RASGRF2: variants seen among roughly 807,000 people sequenced by gnomAD.
RASGRF2 encodes Ras protein specific guanine nucleotide releasing factor 2, also known as ras-specific guanine nucleotide-releasing factor 2.
RASGRF2 carries 76 observed loss-of-function variants against 151.0 expected under a neutral mutation model. The observed-to-expected ratio is 0.50, with a 90% CI of 0.42 to 0.61. RASGRF2 has a LOEUF of 0.61. RASGRF2 is among the 20% of genes least tolerant of loss of function. The pLI is 0.00. For synonymous variants in RASGRF2, 504 were observed against 566.5 expected, an observed-to-expected ratio of 0.89 and a Z score of 1.57; for missense variants, 1,148 against 1,564.6, an observed-to-expected ratio of 0.73 and a Z score of 4.49.
chr5:81,203,666 C>G (rs1027053521), intron 19 of RASGRF2, among the ~76,000 whole-genome samples: 1 of 152,302 alleles, frequency 6.6e-6, no homozygotes, highest in South Asian at 2.1e-4. Context: ...AATCTTGGCT[C>G]GGCCATTTAT....
chr5:80,980,968 A>T (rs534776946), intron 1 of RASGRF2, among the ~76,000 whole-genome samples: 73 of 152,268 alleles, frequency 4.8e-4, no homozygotes, highest in African/African-American at 1.6e-3. Flanking sequence ...GGTTCCTGCC[A>T]ATAACATCAT....
chr5:81,138,559 G>A (rs1254132417), intron 17 of RASGRF2, among the ~76,000 whole-genome samples: 3 of 152,150 alleles, frequency 2.0e-5, no homozygotes, highest in East Asian at 3.8e-4. Context: ...TTTACTGGGA[G>A]GACTTGGTGT....
intron 21 of RASGRF2, among the ~76,000 whole-genome samples, 198 bp downstream of exon 21, chr5:81,207,547 G>C (rs1360583823): frequency 6.6e-6 from 1 of 152,192 alleles, no homozygotes; most frequent in Admixed American, 6.5e-5. Context: ...ACAACAGCAA[G>C]GGACAAAGAA....
intron 1 of RASGRF2, among the ~76,000 whole-genome samples, chr5:80,966,330 A>C (rs1041097599): frequency 5.3e-5 from 8 of 152,308 alleles, no homozygotes; most frequent in African/African-American, 1.7e-4. Context: ...CTCACAATAT[A>C]AATTCCTCTC....
intron 18 of RASGRF2, among the ~76,000 whole-genome samples, chr5:81,194,811 G>A (rs1313547263): frequency 6.6e-6 from 1 of 152,190 alleles, no homozygotes; most frequent in Non-Finnish European, 1.5e-5. Context: ...TTTCTTTCAT[G>A]TGCAAACCCA....
Position 81,227,072 on chromosome 5 carries a change from A to AG in RASGRF2, c.*1303dup, listed in dbSNP as rs1038047066. 3.3e-5 allele frequency: 5 copies of AG among 152,232 alleles called. No homozygotes were observed. The highest frequency in any genetic ancestry group is 1.5e-5 in the Non-Finnish European group (1 of 68,048). 9.4% of individuals were successfully genotyped at this position (152,232 alleles called of 1,614,324 possible). On this transcript the variant is annotated 3_prime_UTR_variant, in exon 27 of 27. Transcript: ENST00000265080. ...AGACTGCTGCTTTAAAAGAAGGAAG[A>AG]GAAAAAATATAGTTCTATTTCCCTG...
intron 9 of RASGRF2, chr5:81,087,207 C>T (rs1374597235): frequency 2.8e-6 from 2 of 703,164 alleles, no homozygotes. Flanking sequence ...CGCTCCTCCT[C>T]AGCGGCCCGG....
At chr5:81,178,502 CAG>C (rs1407629697) in intron 17 of RASGRF2, among the ~76,000 whole-genome samples, 1 of 152,104 alleles carries the variant, frequency 6.6e-6, no homozygotes, top group Non-Finnish European at 1.5e-5. Context: ...ATCTGGAACT[CAG>C]AGAAGAGATC....
At chr5:81,221,242 C>T (rs558575299) in intron 26 of RASGRF2, among the ~76,000 whole-genome samples, 1 of 152,104 alleles carries the variant, frequency 6.6e-6, no homozygotes, top group Non-Finnish European at 1.5e-5. Context: ...ACTATGAACA[C>T]CCCACACCTA....
At chr5:81,067,302 T>C (rs941995470) in intron 2 of RASGRF2, among the ~76,000 whole-genome samples, 2 of 152,250 alleles carry the variant, frequency 1.3e-5, no homozygotes, top group East Asian at 1.9e-4. Flanking sequence ...TCCTGAATGA[T>C]GCAAGAAGAT....
chr5:81,165,046 C>T (rs1754474248), intron 17 of RASGRF2, among the ~76,000 whole-genome samples: 1 of 152,212 alleles, frequency 6.6e-6, no homozygotes, highest in South Asian at 2.1e-4. Flanking sequence ...GAGGGTTCCC[C>T]AAGGGTGGGA....
intron 1 of RASGRF2, among the ~76,000 whole-genome samples, chr5:81,012,595 T>C (rs1410724931): frequency 2.0e-5 from 3 of 152,118 alleles, no homozygotes; most frequent in Admixed American, 2.0e-4. Flanking sequence ...GGTTATGCCC[T>C]TCCTGAGGCA....
intron 17 of RASGRF2, among the ~76,000 whole-genome samples, chr5:81,141,300 ATCTCT>A (rs1441770119): frequency 2.0e-5 from 3 of 152,086 alleles, no homozygotes; most frequent in Admixed American, 2.0e-4. Context: ...CAGAGAGTTG[ATCTCT>A]TCTCGGGCAC....
At chr5:81,155,998 A>G (rs1025159945) in intron 17 of RASGRF2, among the ~76,000 whole-genome samples, 6 of 152,224 alleles carry the variant, frequency 3.9e-5, no homozygotes, top group Non-Finnish European at 4.4e-5. Flanking sequence ...AGCAGAGAGC[A>G]TGCAGCTATG....
At chr5:81,063,494 A>AT (rs1751503833) in intron 2 of RASGRF2, among the ~76,000 whole-genome samples, 1 of 152,072 alleles carries the variant, frequency 6.6e-6, no homozygotes, top group Non-Finnish European at 1.5e-5. Context: ...CTGCCTCAGT[A>AT]TCCCAAAGTG....
At chr5:81,172,798 T>C (rs1379271) in intron 17 of RASGRF2, among the ~76,000 whole-genome samples, 23,902 of 152,104 alleles carry the variant, frequency 0.16, 2,224 homozygotes, top group Middle Eastern at 0.25. Flanking sequence ...GGCCCTCGGA[T>C]AGAAACTTCC....
At chr5:81,220,927 C>G (rs1354762843) in intron 26 of RASGRF2, among the ~76,000 whole-genome samples, 2 of 152,094 alleles carry the variant, frequency 1.3e-5, no homozygotes, top group Non-Finnish European at 2.9e-5. Context: ...CTTAGACTTT[C>G]CTTAATTTGG....
intron 17 of RASGRF2, among the ~76,000 whole-genome samples, chr5:81,174,978 C>A (rs549323216): frequency 6.6e-6 from 1 of 152,308 alleles, no homozygotes. Flanking sequence ...GGTTTACTAA[C>A]TTGCAAGAGA....
At chr5:81,116,591 T>C (rs1337499953) in intron 15 of RASGRF2, among the ~76,000 whole-genome samples, 1 of 152,188 alleles carries the variant, frequency 6.6e-6, no homozygotes, top group Non-Finnish European at 1.5e-5. Context: ...TAAGTATCTT[T>C]AAGTGTATAG....
Sources: allele counts gnomAD v4.1 joint callset (sites outside exome capture counted in the v4.1 genomes callset), GRCh38; gene constraint gnomAD v4.1.1; transcripts MANE v1.5; gene names NCBI Gene and HGNC (gene_info 2026-07-23, HGNC 2026-07-21).